The following RSU1 variants were observed in gnomAD, a reference collection of about 807,000 sequenced individuals.
The protein encoded by RSU1 is Ras suppressor protein 1, also known as rsu-1.
A neutral mutation model predicts 31.1 loss-of-function variants in RSU1; 26 were observed. The ratio of observed to expected loss-of-function variants is 0.84; its 90% CI spans 0.61 to 1.16. The LOEUF (loss-of-function observed/expected upper bound fraction) is 1.16. RSU1 is among the 50% of genes most tolerant of loss of function. The pLI, the probability that RSU1 is intolerant of heterozygous loss-of-function variation, is 0.00. For missense variants in RSU1, 320 were observed against 339.1 expected, an observed-to-expected ratio of 0.94 and a Z score of 0.44; for synonymous variants, 164 against 136.3, an observed-to-expected ratio of 1.20 and a Z score of -1.41.
At chr10:16,649,478 G>A (rs1834640303) in intron 8 of RSU1, among the ~76,000 whole-genome samples, 1 of 152,054 alleles carries the variant, frequency 6.6e-6, no homozygotes, top group African/African-American at 2.4e-5. Flanking sequence ...ACTAAAAAAA[G>A]ACAAAAGCAA....
Position 16,645,462 on chromosome 10 carries a change from T to C in RSU1, c.731+49561A>G, listed in dbSNP as rs529536155. Among the ~76,000 whole-genome samples the C allele has an allele frequency of 5.9e-5, 9 of 152,276 alleles. No homozygotes were observed. The South Asian group carries it at 1.9e-3, about 32-fold the overall frequency. On this transcript the variant is annotated intron_variant, in intron 8 of 8. Transcript: ENST00000345264. The stretch of plus-strand genomic sequence containing the variant: ...TTTCCAAAAGAAAAAATTTCTTTCA[T>C]GTATGCAACAGACCTAGGATAGTCA...
At chr10:16,786,677 C>G (rs535425481) in intron 2 of RSU1, among the ~76,000 whole-genome samples, 3 of 152,226 alleles carry the variant, frequency 2.0e-5, no homozygotes, top group African/African-American at 7.2e-5. Context: ...CCCAATCTAC[C>G]CAATTCCAAT....
chr10:16,664,949 C>CT (rs749280546), intron 8 of RSU1, among the ~76,000 whole-genome samples: 7 of 150,736 alleles, frequency 4.6e-5, no homozygotes, highest in South Asian at 4.2e-4. Context: ...TTCTTTCTTT[C>CT]TTCTTTTTTT....
At chr10:16,749,477 A>G (rs1484228413) in intron 7 of RSU1, among the ~76,000 whole-genome samples, 1 of 152,210 alleles carries the variant, frequency 6.6e-6, no homozygotes, top group Non-Finnish European at 1.5e-5. Flanking sequence ...TAAAAAATAT[A>G]CAGCGAGAGA....
At chr10:16,813,024 C>T (rs1838440468) in intron 2 of RSU1, among the ~76,000 whole-genome samples, 1 of 150,992 alleles carries the variant, frequency 6.6e-6, no homozygotes, top group Non-Finnish European at 1.5e-5. Context: ...TGTTCTGTCA[C>T]CTAGTAACAC....
chr10:16,661,609 G>T (rs1349822506), intron 8 of RSU1, among the ~76,000 whole-genome samples: 1 of 152,176 alleles, frequency 6.6e-6, no homozygotes, highest in East Asian at 1.9e-4. Flanking sequence ...TTGATGTAGA[G>T]CAATGGCAAA....
At chr10:16,815,193 C>CA (rs1838502919) in intron 2 of RSU1, among the ~76,000 whole-genome samples, 2 of 152,260 alleles carry the variant, frequency 1.3e-5, no homozygotes, top group South Asian at 4.1e-4. Flanking sequence ...TTGCTGACAG[C>CA]AAGGACCCTT....
At chr10:16,739,801 G>C (rs1219798640) in intron 7 of RSU1, among the ~76,000 whole-genome samples, 1 of 151,900 alleles carries the variant, frequency 6.6e-6, no homozygotes, top group Admixed American at 6.6e-5. Context: ...TGTTGAGATG[G>C]GGTTTCTCCA....
At chr10:16,732,280 C>G (rs1388735809) in intron 7 of RSU1, among the ~76,000 whole-genome samples, 1 of 152,196 alleles carries the variant, frequency 6.6e-6, no homozygotes, top group African/African-American at 2.4e-5. Context: ...TAAAATCTCA[C>G]CTCTACTTCC....
chr10:16,694,554 A>G lies in RSU1; in HGVS notation c.731+469T>C, dbSNP rs143023906. On this transcript the variant is annotated intron_variant, in intron 8 of 8. Transcript: ENST00000345264. Reference sequence around the variant, plus strand: ...AAAAAACAATTTACAAATAGAGACAATGACCACATGCTGTTTTTTCTTGTT... The same window carrying G: ...AAAAAACAATTTACAAATAGAGACAGTGACCACATGCTGTTTTTTCTTGTT... Among the ~76,000 whole-genome samples, 289 of 152,228 alleles carry G rather than the reference A, an allele frequency of 1.9e-3. 2 individuals carry two copies. Among genetic ancestry groups the G allele is most frequent in the African/African-American group, 6.8e-3 (282 of 41,538 alleles).
chr10:16,750,126 G>C (rs551886486), intron 7 of RSU1, among the ~76,000 whole-genome samples: 8 of 152,158 alleles, frequency 5.3e-5, no homozygotes, highest in South Asian at 4.2e-4. Flanking sequence ...GCAATTCCAG[G>C]CCTTAATAGA....
At chr10:16,787,379 C>A (rs1442027025) in intron 2 of RSU1, among the ~76,000 whole-genome samples, 7 of 152,140 alleles carry the variant, frequency 4.6e-5, no homozygotes, top group Non-Finnish European at 8.8e-5. Context: ...AGGCCACCTC[C>A]ACCAGGACGC....
At chr10:16,731,059 C>G (rs1836502351) in intron 7 of RSU1, among the ~76,000 whole-genome samples, 1 of 152,114 alleles carries the variant, frequency 6.6e-6, no homozygotes, top group African/African-American at 2.4e-5. Flanking sequence ...CCTGATGCAC[C>G]TGCCTTAGAC....
At chr10:16,630,496 C>T (rs534973598) in intron 8 of RSU1, among the ~76,000 whole-genome samples, 2 of 152,298 alleles carry the variant, frequency 1.3e-5, no homozygotes, top group South Asian at 4.1e-4. Flanking sequence ...AATCTTGCGT[C>T]ACACAGCTCC....
At position 16,725,772 on chromosome 10, in the gene RSU1, T is replaced by C. The variant is rs537256271; in HGVS notation, c.598+26767A>G. Among the ~76,000 whole-genome samples the C allele has an allele frequency of 3.3e-5, 5 of 149,310 alleles. No individual in the cohort carries two copies. The South Asian group carries it at 1.1e-3, about 33-fold the overall frequency. ...AGAATGGTAAGAAATAAAGTTCTAT[T>C]ATTTATAAATTACCCAGTCTCAAGT... On this transcript the variant is annotated intron_variant, in intron 7 of 8. Transcript: ENST00000345264.
chr10:16,652,376 T>C (rs1331372653), intron 8 of RSU1, among the ~76,000 whole-genome samples: 2 of 122,822 alleles, frequency 1.6e-5, no homozygotes, highest in Non-Finnish European at 3.2e-5. Flanking sequence ...CAAGAGATGA[T>C]TCACCTGCCC....
intron 8 of RSU1, among the ~76,000 whole-genome samples, chr10:16,637,040 T>C (rs186136712): frequency 5.3e-5 from 8 of 152,218 alleles, no homozygotes; most frequent in Non-Finnish European, 8.8e-5. Flanking sequence ...AAAACGGCTA[T>C]GCTTGTATTG....
chr10:16,634,505 A>G (rs1332168835), intron 8 of RSU1, among the ~76,000 whole-genome samples: 3 of 152,180 alleles, frequency 2.0e-5, no homozygotes, highest in African/African-American at 4.8e-5. Context: ...TCACCTTACA[A>G]TGGTTTTTTG....
rs1021296293 is a variant in RSU1, at chr10:16,738,869, C to CG, written c.598+13669_598+13670insC. On this transcript the variant is annotated intron_variant, in intron 7 of 8. Coordinates refer to ENST00000345264, the MANE Select transcript of RSU1 (RefSeq NM_012425.4). ...TGCTCTCCCTCTCCTTGCCCCCCAC[C>CG]CCCCCAGCGGACCCCAGGGTGTGAT... 2.0e-5 allele frequency among the ~76,000 whole-genome samples: 3 copies of CG among 151,778 alleles called. No homozygotes were observed. In the South Asian group the frequency reaches 6.3e-4, roughly 32 times the overall value.
Sources: allele counts gnomAD v4.1 joint callset (sites outside exome capture counted in the v4.1 genomes callset), GRCh38; gene constraint gnomAD v4.1.1; transcripts MANE v1.5; gene names NCBI Gene and HGNC (gene_info 2026-07-23, HGNC 2026-07-21).